NUMA1: variants seen among roughly 807,000 people sequenced by gnomAD.
NUMA1 encodes SP-H antigen.
In NUMA1, 62 loss-of-function variants were observed where a neutral mutation model predicts 237.1. The observed-to-expected ratio is 0.26, with a 90% CI of 0.21 to 0.32. NUMA1 has a LOEUF of 0.32. NUMA1 is among the 10% of genes least tolerant of loss of function. NUMA1 has a pLI of 1.00. For missense variants in NUMA1, 2,533 were observed against 2,666.5 expected, an observed-to-expected ratio of 0.95 and a Z score of 1.10; for synonymous variants, 1,028 against 1,066.1, an observed-to-expected ratio of 0.96 and a Z score of 0.70.
chr11:72,068,121 T>C (rs1482372896), intron 2 of NUMA1: 1 of 152,270 alleles, frequency 6.6e-6, no homozygotes, highest in Non-Finnish European at 1.5e-5. Flanking sequence ...TTCATCTTGA[T>C]TGATTTGGGT....
Position 72,013,215 on chromosome 11 carries a change from T to C in NUMA1, c.4288A>G (p.Lys1430Glu), listed in dbSNP as rs892656286. Reference sequence around the variant, plus strand: ...CTCAGCTGCTCTGCATAGCTGGCCTTCTCTGCCCGCAGCTGCTGAGCTGTT... The same window carrying C: ...CTCAGCTGCTCTGCATAGCTGGCCTCCTCTGCCCGCAGCTGCTGAGCTGTT... ...ERTAQQLRAE[K>E]ASYAEQLSML... The change falls in exon 15 of 27, where the codon AAG becomes GAG. Residue 1430 changes from lysine to glutamate, a missense_variant. By Grantham distance (56) the Lys-to-Glu change is moderately conservative (BLOSUM62 1). This residue lies in a region of NUMA1 where 324 missense variants were observed against 407.6 expected (regional missense o/e 0.79). Coordinates refer to ENST00000393695, the MANE Select transcript of NUMA1 (RefSeq NM_006185.4). The surrounding 1 kb of genome is among the most constrained non-coding windows in gnomAD (Gnocchi z 6.8). 12 of 1,609,750 alleles carry C rather than the reference T, an allele frequency of 7.5e-6. No homozygotes were observed. The highest frequency in any genetic ancestry group is 1.3e-5 in the African/African-American group (1 of 74,944).
intron 2 of NUMA1, among the ~76,000 whole-genome samples, chr11:72,044,770 T>C (rs1462550625): frequency 6.6e-6 from 1 of 150,486 alleles, no homozygotes; most frequent in Non-Finnish European, 1.5e-5. Flanking sequence ...TGGGTTCAAA[T>C]GATTCTCCTG....
Position 72,005,329 on chromosome 11 carries a change from A to G in NUMA1, c.5733T>C (p.Pro1911=), listed in dbSNP as rs1409688875. The change falls in exon 23 of 27, where the codon CCT becomes CCC. Residue 1911 remains proline, a synonymous_variant. Transcript: ENST00000393695. ...SFYMGTCQDE[P]EQLDDWNRIA... Reference sequence around the variant, plus strand: ...TGCGGTTCCAGTCATCCAGCTGCTCAGGCTCATCCTGGCAAGTGCCCATGT... The same window carrying G: ...TGCGGTTCCAGTCATCCAGCTGCTCGGGCTCATCCTGGCAAGTGCCCATGT... 6.8e-6 allele frequency: 11 copies of G among 1,607,990 alleles called. No homozygotes were observed. The African/African-American group carries it at 1.3e-4, about 20-fold the overall frequency.
Position 72,055,990 on chromosome 11 carries a change from AC to A in NUMA1, c.-33+13851del, listed in dbSNP as rs1333774515. 1.2e-4 allele frequency among the ~76,000 whole-genome samples: 18 copies of A among 148,946 alleles called. No individual in the cohort carries two copies. The East Asian group carries it at 2.9e-3, about 24-fold the overall frequency. On this transcript the variant is annotated intron_variant, in intron 2 of 26. Coordinates refer to ENST00000393695, the MANE Select transcript of NUMA1 (RefSeq NM_006185.4). ...TACACACACACACACACACACACAC[AC>A]ACACACAATTAGCCAGGTGTGGTGG... is the stretch of plus-strand genomic sequence containing the variant.
chr11:72,007,346 G>C lies in NUMA1; in HGVS notation c.5306C>G (p.Ser1769Cys). Reference sequence around the variant, plus strand: ...GGGAGTGAAGTAGAGACTCTCCAGGGATTCTACCTTGGGGGGCAGGCGCTG... The same window carrying C: ...GGGAGTGAAGTAGAGACTCTCCAGGCATTCTACCTTGGGGGGCAGGCGCTG... ...ISQRLPPKVESLESLYFTPIP... is the reference protein window; with the variant it reads ...ISQRLPPKVECLESLYFTPIP... The change falls in exon 21 of 27, where the codon TCC (serine) becomes TGC (cysteine). Residue 1769 changes from serine (S) to cysteine (C), a missense_variant. By Grantham distance (112) the Ser-to-Cys change is moderately radical. This residue lies in a region of NUMA1 where 795 missense variants were observed against 750.8 expected (regional missense o/e 1.06). Coordinates refer to ENST00000393695, the MANE Select transcript of NUMA1 (RefSeq NM_006185.4). The C allele has an allele frequency of 6.2e-7, 1 of 1,613,732 alleles. No individual in the cohort carries two copies. The highest frequency in any genetic ancestry group is 2.2e-5 in the East Asian group (1 of 44,866).
chr11:72,013,998 C>CCTGCAGAGT lies in NUMA1; in HGVS notation c.3496_3504dup (p.Thr1166_Gln1168dup), dbSNP rs1956324015. On this transcript the variant is annotated inframe_insertion, in exon 15 of 27. Transcript: ENST00000393695. This position sits in a 1 kb window ranked among gnomAD's most constrained non-coding sequence, Gnocchi z 6.8. The stretch of plus-strand genomic sequence containing the variant: ...TCCTGGGCCTTCTCCTCTAACTGGC[C>CCTGCAGAGT]CTGCAGAGTCTCCAGAGCACTGTCC... 8.1e-6 allele frequency: 13 copies of CCTGCAGAGT among 1,612,434 alleles called. No individual in the cohort carries two copies. Among genetic ancestry groups the CCTGCAGAGT allele is most frequent in the Non-Finnish European group, 8.5e-6 (10 of 1,179,940 alleles).
At chr11:72,067,337 G>A (rs2136235228) in intron 2 of NUMA1, 1 of 152,264 alleles carries the variant, frequency 6.6e-6, no homozygotes, top group East Asian at 1.9e-4. Context: ...CCAATCACTA[G>A]GAGAATCCCT....
intron 2 of NUMA1, among the ~76,000 whole-genome samples, chr11:72,054,189 G>A (rs1403206126): frequency 2.0e-5 from 3 of 152,138 alleles, no homozygotes; most frequent in African/African-American, 7.2e-5. Flanking sequence ...AGAGTGGCTG[G>A]GCACGGTGGC....
chr11:72,014,707 T>C lies in NUMA1; in HGVS notation c.2796A>G (p.Thr932=). The C allele has an allele frequency of 3.1e-6, 5 of 1,613,942 alleles. 1 individual carries two copies. Among genetic ancestry groups the C allele is most frequent in the Non-Finnish European group, 4.2e-6 (5 of 1,180,036 alleles). Residue 932 remains threonine, a synonymous_variant, in exon 15 of 27, where the codon ACA becomes ACG. Transcript: ENST00000393695. This position sits in a 1 kb window ranked among gnomAD's most constrained non-coding sequence, Gnocchi z 4.6. ...LVRKAGEQQE[T]ASRELVKEPA... ...GCTCCTTGACTAACTCCCGGGAGGC[T>C]GTTTCCTGCTGCTCACCTGCCTTGC...
rs1186316287 is a variant in NUMA1 at position 72,016,419 on chromosome 11, C to T, written c.1231G>A (p.Asp411Asn). ...CTGTGCATTCCTACCTGCAAGACAT[C>T]ACCCAGCACCTCGCCCTTCTCCTGG... is the stretch of plus-strand genomic sequence containing the variant. ...PPQEKGEVLG[D>N]VLQLETLKQE... The change falls in exon 14 of 27, where the codon GAT (aspartate) becomes AAT (asparagine). Residue 411 changes from aspartate (D) to asparagine (N), a missense_variant. By Grantham distance (23) the Asp-to-Asn change is conservative. Coordinates refer to ENST00000393695, the MANE Select transcript of NUMA1 (RefSeq NM_006185.4). The T allele has an allele frequency of 6.2e-7, 1 of 1,614,020 alleles. No homozygotes were observed. The highest frequency in any genetic ancestry group is 8.5e-7 in the Non-Finnish European group (1 of 1,180,008).
intron 3 of NUMA1, among the ~76,000 whole-genome samples, chr11:72,032,995 T>A (rs1001230293): frequency 6.6e-6 from 1 of 152,204 alleles, no homozygotes; most frequent in Middle Eastern, 3.2e-3. Flanking sequence ...TAATTTTTTT[T>A]AAACTGTAGT....
intron 20 of NUMA1, 135 bp from the exon 21 acceptor site, chr11:72,007,570 G>A: frequency 8.6e-7 from 1 of 1,156,966 alleles, no homozygotes; most frequent in Non-Finnish European, 1.2e-6. Flanking sequence ...TGATTTTTCA[G>A]AGGTACCAAG....
Position 72,012,381 on chromosome 11 carries a change from G to A in NUMA1, c.4650+20C>T, listed in dbSNP as rs776088706. The A allele has an allele frequency of 3.7e-6, 6 of 1,611,446 alleles. No homozygotes were observed. The South Asian group carries it at 6.6e-5, about 18-fold the overall frequency. On this transcript the variant is annotated intron_variant, in intron 16 of 26. Coordinates refer to ENST00000393695, the MANE Select transcript of NUMA1 (RefSeq NM_006185.4). The stretch of plus-strand genomic sequence containing the variant: ...TCACCGTTTAAGCAGCCAGCATTTA[G>A]CGAGGACCTCAGGCATTACCTGCTT...
rs373974217 is a variant in NUMA1 at position 72,034,184 on chromosome 11, C to T, written c.42+1718G>A. On this transcript the variant is annotated intron_variant, in intron 3 of 26. Transcript: ENST00000393695. ...GATTAATCAGTACTCAGGGTGAATACTAAAATATCCTGTGTCAACTAGCAT... is the reference window on the plus strand; with the variant it reads ...GATTAATCAGTACTCAGGGTGAATATTAAAATATCCTGTGTCAACTAGCAT... 2.7e-4 allele frequency among the ~76,000 whole-genome samples: 41 copies of T among 152,214 alleles called. 1 individual carries two copies. In the South Asian group the frequency reaches 8.1e-3, roughly 30 times the overall value.
Position 72,055,501 on chromosome 11 carries a change from A to G in NUMA1, c.-33+14341T>C, listed in dbSNP as rs547747356. Among the ~76,000 whole-genome samples the G allele has an allele frequency of 2.0e-5, 3 of 152,238 alleles. No individual in the cohort carries two copies. In the South Asian group the frequency reaches 6.2e-4, roughly 32 times the overall value. On this transcript the variant is annotated intron_variant, in intron 2 of 26. Transcript: ENST00000393695. ...GAACCAAGAGTCATCATCCCTATGTATAGTTTCACTGTGTTTAAAAATAAA... is the reference window on the plus strand; with the variant it reads ...GAACCAAGAGTCATCATCCCTATGTGTAGTTTCACTGTGTTTAAAAATAAA...
At position 72,003,541 on chromosome 11, in the gene NUMA1, G is replaced by C; in HGVS notation, c.6337-3C>G. The C allele has an allele frequency of 6.2e-7, 1 of 1,614,158 alleles. No homozygotes were observed. The highest frequency in any genetic ancestry group is 8.5e-7 in the Non-Finnish European group (1 of 1,179,998). ...GTACTGGCCCTTTAGTGCTTTGCCT[G>C]AAAGAGACACAGTCACATGGCCAGA... On this transcript the variant is annotated splice_polypyrimidine_tract_variant and splice_region_variant and intron_variant, in intron 26 of 26. Transcript: ENST00000393695.
chr11:72,018,356 A>G lies in NUMA1; in HGVS notation c.860+40T>C, dbSNP rs565849659. On this transcript the variant is annotated intron_variant, in intron 11 of 26. Transcript: ENST00000393695. ...TATGGGTTCCTGGCTGGGTGAGGGGAGGGGCTGGGGCCTGGGAAGGAATGC... is the reference window on the plus strand; with the variant it reads ...TATGGGTTCCTGGCTGGGTGAGGGGGGGGGCTGGGGCCTGGGAAGGAATGC... The G allele has an allele frequency of 2.0e-4, 318 of 1,604,856 alleles. 2 individuals are homozygous for G. The South Asian group carries it at 3.2e-3, about 16-fold the overall frequency.
chr11:72,009,415 T>C (rs762787189), intron 17 of NUMA1, 28 bp from the exon 18 acceptor site: 1 of 1,578,734 alleles, frequency 6.3e-7, no homozygotes, highest in East Asian at 2.2e-5. Context: ...TCAGGAAAGC[T>C]GGTCTGGCCG....
At chr11:72,078,934 C>T (rs572561530) in intron 1 of NUMA1, among the ~76,000 whole-genome samples, 1 of 152,244 alleles carries the variant, frequency 6.6e-6, no homozygotes, top group South Asian at 2.1e-4. Context: ...GACCAGACAA[C>T]CCAGAAGTTT....
Sources: allele counts gnomAD v4.1 joint callset (sites outside exome capture counted in the v4.1 genomes callset), GRCh38; gene constraint gnomAD v4.1.1; regional missense constraint gnomAD v4.1.1; non-coding constraint Gnocchi (gnomAD v3.1); transcripts MANE v1.5; gene names NCBI Gene and HGNC (gene_info 2026-07-23, HGNC 2026-07-21).